The following PARD3 variants were observed in gnomAD, a reference collection of about 807,000 sequenced individuals.
PARD3 encodes par-3 family cell polarity regulator.
PARD3 carries 75 observed loss-of-function variants against 155.4 expected under a neutral mutation model. That is an observed-to-expected ratio of 0.48 (90% CI 0.40 to 0.58). The LOEUF (loss-of-function observed/expected upper bound fraction) is 0.58, where lower values mean the gene tolerates loss of function less well. PARD3 is among the 20% of genes least tolerant of loss of function. The probability of loss-of-function intolerance (pLI) is 0.00; values close to 1 mark genes in which losing one functional copy is unlikely to be tolerated. For missense variants in PARD3, 1,642 were observed against 1,721.7 expected (o/e 0.95, Z 0.82); for synonymous variants, 576 against 610.5 (o/e 0.94, Z 0.83).
At chr10:34,642,706 C>G (rs74347795) in intron 2 of PARD3, among the ~76,000 whole-genome samples, 38 of 152,220 alleles carry the variant, frequency 2.5e-4, no homozygotes, top group African/African-American at 8.7e-4. Context: ...CCCATGACCC[C>G]CACGAGAGCC....
chr10:34,594,976 C>T (rs983618321), intron 2 of PARD3, among the ~76,000 whole-genome samples: 1 of 152,144 alleles, frequency 6.6e-6, no homozygotes, highest in African/African-American at 2.4e-5. Context: ...TTTCTAAATA[C>T]GGTAATGTCT....
At position 34,562,123 on chromosome 10, in the gene PARD3, C is replaced by CAAAAA. The variant is rs3041198; in HGVS notation, c.223-44969_223-44965dup. Among the ~76,000 whole-genome samples the CAAAAA allele has an allele frequency of 2.7e-3, 70 of 26,360 alleles. 2 individuals are homozygous for CAAAAA. Among genetic ancestry groups the CAAAAA allele is most frequent in the African/African-American group, 7.4e-3 (58 of 7,804 alleles). 17.3% of individuals were successfully genotyped at this position (26,360 alleles called of 152,430 possible). A position where few individuals can be genotyped will look rare whatever the true frequency, so the allele number is the denominator to read the frequency against. On this transcript the variant is annotated intron_variant, in intron 2 of 24. Coordinates refer to ENST00000374788, the MANE Select transcript of PARD3 (RefSeq NM_001184785.2). ...CCTGGGTGACGGAGCCTGACTGTCT[C>CAAAAA]AAAAAAAAAAAAAAAAAAAAAAAAA...
intron 20 of PARD3, among the ~76,000 whole-genome samples, chr10:34,308,143 C>T (rs751302121): frequency 4.0e-5 from 6 of 150,040 alleles, no homozygotes; most frequent in South Asian, 2.1e-4. Flanking sequence ...AAGGAAAGAG[C>T]GGTAGGGACA....
At chr10:34,790,549 A>G (rs535841346) in intron 1 of PARD3, among the ~76,000 whole-genome samples, 2 of 152,226 alleles carry the variant, frequency 1.3e-5, no homozygotes, top group Non-Finnish European at 2.9e-5. Flanking sequence ...GCATCCATGC[A>G]ATGCAGAGGC....
intron 1 of PARD3, among the ~76,000 whole-genome samples, chr10:34,783,831 G>A (rs1179498825): frequency 6.6e-6 from 1 of 151,826 alleles, no homozygotes; most frequent in Non-Finnish European, 1.5e-5. Context: ...TAACTACTTG[G>A]AACTAGACTA....
At position 34,352,993 on chromosome 10, in the gene PARD3, C is replaced by T. The variant is rs188989807; in HGVS notation, c.2068-4878G>A. On this transcript the variant is annotated intron_variant, in intron 14 of 24. Coordinates refer to ENST00000374788, the MANE Select transcript of PARD3 (RefSeq NM_001184785.2). ...GATGTGAGGAGTGTCTCTGCCGGAC[C>T]GCCACCCCGTCTGGGAGGTGAGGAG... is the stretch of plus-strand genomic sequence containing the variant. 4.3e-3 allele frequency among the ~76,000 whole-genome samples: 561 copies of T among 129,164 alleles called. 2 individuals carry two copies. Among genetic ancestry groups the T allele is most frequent in the African/African-American group, 0.013 (523 of 39,652 alleles). 84.7% of individuals were successfully genotyped at this position (129,164 alleles called of 152,430 possible). A position where few individuals can be genotyped will look rare whatever the true frequency, so the allele number is the denominator to read the frequency against.
At chr10:34,441,791 T>TA (rs2076477388) in intron 5 of PARD3, among the ~76,000 whole-genome samples, 1 of 152,160 alleles carries the variant, frequency 6.6e-6, no homozygotes, top group Non-Finnish European at 1.5e-5. Flanking sequence ...ATTGTTTTTT[T>TA]AAAAAATAAT....
Position 34,284,212 on chromosome 10 carries a change from C to A in PARD3, c.3099G>T (p.Glu1033Asp). 6.2e-7 allele frequency: 1 copy of A among 1,609,856 alleles called. No individual in the cohort carries two copies. The highest frequency in any genetic ancestry group is 8.5e-7 in the Non-Finnish European group (1 of 1,178,108). Residue 1033 changes from glutamate to aspartate, a missense_variant, in exon 21 of 25, where the codon GAG becomes GAT. Glu to Asp is a conservative substitution (Grantham distance 45, BLOSUM62 2). Transcript: ENST00000374788. Reference protein sequence around the residue: ...FGKHRKDDKIEKTGKIKIQES... With the variant: ...FGKHRKDDKIDKTGKIKIQES... ...CCTGTATTTTTATTTTACCCGTTTTCTCAATCTTGTCATCTTTTCGATGTT... is the reference window on the plus strand; with the variant it reads ...CCTGTATTTTTATTTTACCCGTTTTATCAATCTTGTCATCTTTTCGATGTT...
At chr10:34,217,289 G>T (rs1393239729) in intron 22 of PARD3, among the ~76,000 whole-genome samples, 1 of 152,076 alleles carries the variant, frequency 6.6e-6, no homozygotes, top group Non-Finnish European at 1.5e-5. Context: ...GTCATCACTT[G>T]GAAGATAGAG....
chr10:34,467,223 A>G (rs2078064898), intron 4 of PARD3, among the ~76,000 whole-genome samples: 1 of 152,136 alleles, frequency 6.6e-6, no homozygotes, highest in Non-Finnish European at 1.5e-5. Context: ...TTTTACACTC[A>G]TTAAAATATT....
intron 24 of PARD3, among the ~76,000 whole-genome samples, chr10:34,115,430 A>G (rs990722349): frequency 6.6e-6 from 1 of 152,128 alleles, no homozygotes; most frequent in Non-Finnish European, 1.5e-5. Context: ...GATATTAAGG[A>G]AAGAAACTAA....
At position 34,443,521 on chromosome 10, in the gene PARD3, A is replaced by C. The variant is rs140418628; in HGVS notation, c.714+6796T>G. Among the ~76,000 whole-genome samples, 18 of 152,306 alleles carry C rather than the reference A, an allele frequency of 1.2e-4. 1 individual carries two copies. The highest frequency in any genetic ancestry group is 9.8e-4 in the Admixed American group (15 of 15,298). On this transcript the variant is annotated intron_variant, in intron 5 of 24. Transcript: ENST00000374788. ...ATCATTGTGGAAGGCAGGGAGGAGAAAGTCACATCTTACATGGATGGCGGC... is the reference window on the plus strand; with the variant it reads ...ATCATTGTGGAAGGCAGGGAGGAGACAGTCACATCTTACATGGATGGCGGC...
At chr10:34,800,256 C>T (rs554894505) in intron 1 of PARD3, among the ~76,000 whole-genome samples, 1 of 152,286 alleles carries the variant, frequency 6.6e-6, no homozygotes, top group African/African-American at 2.4e-5. Flanking sequence ...AGCACTGACC[C>T]CAGCACATAG....
At chr10:34,783,380 A>G (rs963659604) in intron 1 of PARD3, among the ~76,000 whole-genome samples, 4 of 152,012 alleles carry the variant, frequency 2.6e-5, no homozygotes, top group Middle Eastern at 3.4e-3. Context: ...CGAGGCGGGC[A>G]GATCACAAGG....
At chr10:34,306,684 G>A (rs1037159751) in intron 20 of PARD3, among the ~76,000 whole-genome samples, 3 of 152,086 alleles carry the variant, frequency 2.0e-5, no homozygotes, top group South Asian at 2.1e-4. Flanking sequence ...ATACCATGAC[G>A]TAGATCCATG....
intron 10 of PARD3, 93 bp from the exon 11 acceptor site, chr10:34,375,095 C>CAT (rs1841091708): frequency 4.4e-6 from 4 of 900,486 alleles, no homozygotes; most frequent in Non-Finnish European, 6.9e-6. Context: ...CACACACACA[C>CAT]TCTAGGACTA....
At chr10:34,439,796 C>T (rs2076372349) in intron 5 of PARD3, among the ~76,000 whole-genome samples, 1 of 152,086 alleles carries the variant, frequency 6.6e-6, no homozygotes, top group African/African-American at 2.4e-5. Flanking sequence ...AATACTGACA[C>T]ATGAAATGAG....
chr10:34,683,463 G>T (rs901146507), intron 2 of PARD3, among the ~76,000 whole-genome samples: 3 of 150,986 alleles, frequency 2.0e-5, no homozygotes, highest in African/African-American at 7.3e-5. Flanking sequence ...GAAAAATGAG[G>T]TAAGAGAAGT....
intron 2 of PARD3, among the ~76,000 whole-genome samples, chr10:34,573,366 G>T (rs1444159456): frequency 6.6e-6 from 1 of 151,616 alleles, no homozygotes; most frequent in Non-Finnish European, 1.5e-5. Flanking sequence ...TTAAAAATAG[G>T]TAAGAATTTC....
Sources: gnomAD v4.1 joint callset for allele counts (sites outside exome capture counted in the v4.1 genomes callset) on GRCh38, gnomAD v4.1.1 for gene constraint, MANE v1.5 for transcripts, NCBI Gene and HGNC (gene_info 2026-07-23, HGNC 2026-07-21) for gene names.